MYPN: variants seen among roughly 807,000 people sequenced by gnomAD.
MYPN encodes the protein sarcomeric protein myopalladin, 145 kDa (MYOP).
In MYPN, 63 loss-of-function variants were observed where a neutral mutation model predicts 129.4. That is an observed-to-expected ratio of 0.49 (90% confidence interval 0.40 to 0.60). MYPN has a LOEUF of 0.60. Ranked by LOEUF, MYPN falls within the 20% of genes least tolerant of loss-of-function variation. The probability of loss-of-function intolerance (pLI) is 0.00; values close to 1 mark genes in which losing one functional copy is unlikely to be tolerated. For missense variants in MYPN, 1,596 were observed against 1,635.4 expected, an observed-to-expected ratio of 0.98 and a Z score of 0.42; for synonymous variants, 629 against 600.9, an observed-to-expected ratio of 1.05 and a Z score of -0.68.
At chr10:68,099,116 CA>C (rs1248559114) in intron 1 of MYPN, among the ~76,000 whole-genome samples, 1 of 152,114 alleles carries the variant, frequency 6.6e-6, no homozygotes, top group Non-Finnish European at 1.5e-5. Flanking sequence ...CCCAGTTACT[CA>C]AAGCTGTTGT....
intron 4 of MYPN, among the ~76,000 whole-genome samples, chr10:68,147,057 G>A (rs1305433859): frequency 6.6e-6 from 1 of 152,188 alleles, no homozygotes; most frequent in Non-Finnish European, 1.5e-5. Context: ...GAGCCATAGA[G>A]AGAGAGAGCA....
chr10:68,208,132 T>A (rs1010839782), intron 19 of MYPN, among the ~76,000 whole-genome samples: 60 of 152,232 alleles, frequency 3.9e-4, no homozygotes, highest in African/African-American at 1.4e-3. Context: ...TTTAGAGACA[T>A]ATTTCTTAAC....
chr10:68,092,230 C>T (rs937006581), intron 1 of MYPN, among the ~76,000 whole-genome samples: 2 of 152,162 alleles, frequency 1.3e-5, no homozygotes, highest in African/African-American at 2.4e-5. Context: ...GTGGCTCACA[C>T]CTGTAATCCC....
intron 6 of MYPN, 148 bp downstream of exon 6, chr10:68,150,259 A>G (rs1387374785): frequency 2.0e-5 from 14 of 692,278 alleles, no homozygotes; most frequent in Non-Finnish European, 3.5e-5. Flanking sequence ...TAGTTACTAC[A>G]GTATCGCTTC....
rs2043898648 is a variant in MYPN, at chr10:68,210,728, G to T, written c.*273G>T. The T allele has an allele frequency of 3.6e-6, 2 of 550,440 alleles. No homozygotes were observed. The highest frequency in any genetic ancestry group is 3.1e-5 in the South Asian group (2 of 65,352). The allele number at this position is 550,440 out of a possible 1,614,324, so 34.1% of individuals were successfully genotyped here. A position where few individuals can be genotyped will look rare whatever the true frequency, so the allele number is the denominator to read the frequency against. On this transcript the variant is annotated 3_prime_UTR_variant, in exon 20 of 20. Transcript: ENST00000358913. ...ACACAGTTGCCATCCACTGCTTTGG[G>T]AAAAAACTAGCATGCTCCCCTGCTC...
At chr10:68,122,443 C>G (rs927326694) in intron 2 of MYPN, 103 bp downstream of exon 2, 7 of 1,229,078 alleles carry the variant, frequency 5.7e-6, no homozygotes, top group Non-Finnish European at 8.3e-6. Flanking sequence ...ATTATATACT[C>G]CCTTTGAGAA....
At chr10:68,115,802 CT>C (rs920344475) in intron 1 of MYPN, among the ~76,000 whole-genome samples, 19 of 152,270 alleles carry the variant, frequency 1.2e-4, no homozygotes, top group African/African-American at 4.1e-4. Context: ...TTTGGCTCTT[CT>C]TTTTCACGCA....
At chr10:68,159,692 A>C (rs1589570565) in intron 7 of MYPN, among the ~76,000 whole-genome samples, 1 of 20,420 alleles carries the variant, frequency 4.9e-5, no homozygotes, top group Non-Finnish European at 1.6e-4. Flanking sequence ...TAGAGCAATC[A>C]TATGATAGAA....
chr10:68,130,645 A>G (rs938134373), intron 2 of MYPN, among the ~76,000 whole-genome samples: 10 of 151,514 alleles, frequency 6.6e-5, no homozygotes, highest in Non-Finnish European at 1.5e-4. Context: ...AAATTAATTA[A>G]TTTTTTCCTT....
chr10:68,137,724 C>T (rs1030342258), intron 2 of MYPN, among the ~76,000 whole-genome samples: 4 of 152,012 alleles, frequency 2.6e-5, no homozygotes, highest in African/African-American at 9.7e-5. Flanking sequence ...TCCCTTGAAA[C>T]CTCAAATTTT....
chr10:68,090,298 G>T (rs1250409814), intron 1 of MYPN, among the ~76,000 whole-genome samples: 2 of 152,048 alleles, frequency 1.3e-5, no homozygotes, highest in African/African-American at 2.4e-5. Context: ...AACTAGCTGG[G>T]ATTACAGGCA....
rs1159847765 is a variant in MYPN, at chr10:68,201,876, T to C, written c.3541T>C (p.Cys1181Arg). 3.1e-6 allele frequency: 5 copies of C among 1,613,860 alleles called. No individual in the cohort carries two copies. Among genetic ancestry groups the C allele is most frequent in the Non-Finnish European group, 2.5e-6 (3 of 1,180,006 alleles). ...TGTGATCCTGGAGAAACTACAGAAC[T>C]GCGGTGTTCCCGAAGGCCACCCCGT... Reference protein sequence around the residue: ...APVILEKLQNCGVPEGHPVRL... With the variant: ...APVILEKLQNRGVPEGHPVRL... Residue 1181 changes from cysteine (C) to arginine (R), a missense_variant, in exon 18 of 20, where the codon TGC (cysteine) becomes CGC (arginine). Coordinates refer to ENST00000358913, the MANE Select transcript of MYPN (RefSeq NM_032578.4).
intron 12 of MYPN, among the ~76,000 whole-genome samples, chr10:68,182,349 CATATATATAACACATATATATA>C (rs2043336287): frequency 2.2e-5 from 2 of 92,196 alleles, no homozygotes; most frequent in East Asian, 5.4e-4. Flanking sequence ...ACATATATAA[CATATATATAACACATATATATA>C]ACATATATAA....
chr10:68,130,321 G>C (rs534062325), intron 2 of MYPN, among the ~76,000 whole-genome samples: 1 of 151,976 alleles, frequency 6.6e-6, no homozygotes. Flanking sequence ...TTAGCCAGGC[G>C]TGGTGGCGGG....
intron 12 of MYPN, among the ~76,000 whole-genome samples, chr10:68,184,521 C>T (rs748543778): frequency 1.3e-5 from 2 of 152,110 alleles, no homozygotes; most frequent in Non-Finnish European, 2.9e-5. Context: ...CTCTGCCTCC[C>T]GGGTTCAAGT....
At chr10:68,206,944 A>G (rs944643831) in intron 19 of MYPN, 41 bp downstream of exon 19, 2 of 1,613,074 alleles carry the variant, frequency 1.2e-6, no homozygotes, top group Non-Finnish European at 1.7e-6. Flanking sequence ...TATGCAACTG[A>G]CAGCTTAAAA....
chr10:68,099,226 C>T lies in MYPN; in HGVS notation c.-2+11234C>T, dbSNP rs146428421. Among the ~76,000 whole-genome samples the T allele has an allele frequency of 4.7e-3, 709 of 152,192 alleles. 2 individuals are homozygous for T. The highest frequency in any genetic ancestry group is 7.8e-3 in the Non-Finnish European group (530 of 68,002). On this transcript the variant is annotated intron_variant, in intron 1 of 6. Coordinates refer to the MYPN transcript ENST00000685154. ...CCTCATTAGACTAAATTAATAATGT[C>T]AACTTGAAAATCTGAGTTTTACTGC...
chr10:68,158,445 T>G (rs762227766), intron 6 of MYPN, 41 bp from the exon 7 acceptor site: 1 of 1,589,890 alleles, frequency 6.3e-7, no homozygotes, highest in South Asian at 1.1e-5. Flanking sequence ...TACAAAAATG[T>G]GTACTTTTTT....
upstream of MYPN, among the ~76,000 whole-genome samples, chr10:68,103,144 G>C (rs751351946): frequency 2.0e-5 from 3 of 152,200 alleles, no homozygotes; most frequent in Non-Finnish European, 4.4e-5. Flanking sequence ...GAAGTTTGCT[G>C]ACTCTGGAAA....
Sources: allele counts gnomAD v4.1 joint callset (sites outside exome capture counted in the v4.1 genomes callset), GRCh38; gene constraint gnomAD v4.1.1; transcripts MANE v1.5; gene names NCBI Gene and HGNC (gene_info 2026-07-23, HGNC 2026-07-21).